SLC46A2: variants seen among roughly 807,000 people sequenced by gnomAD.
SLC46A2 encodes the protein solute carrier family 46 member 2.
SLC46A2 carries 25 observed loss-of-function variants against 33.1 expected under a neutral mutation model. That is an observed-to-expected ratio of 0.76 (90% CI 0.55 to 1.06). The LOEUF is 1.06. Ranked by LOEUF, SLC46A2 falls within the 50% of genes least tolerant of loss-of-function variation. The pLI is 0.00. For synonymous variants in SLC46A2, 254 were observed against 275.9 expected, an observed-to-expected ratio of 0.92 and a Z score of 0.79; for missense variants, 622 against 621.7, an observed-to-expected ratio of 1.00 and a Z score of 0.00.
intron 3 of SLC46A2, chr9:112,880,499 C>A: frequency 6.5e-6 from 1 of 154,356 alleles, no homozygotes; most frequent in Middle Eastern, 5.6e-4. Flanking sequence ...TCTCCCTGTC[C>A]CATGATTTCA....
At chr9:112,888,987 T>G (rs748042993) in intron 1 of SLC46A2, among the ~76,000 whole-genome samples, 3 of 151,642 alleles carry the variant, frequency 2.0e-5, no homozygotes, top group Non-Finnish European at 4.4e-5. Context: ...GCCTCTTGGG[T>G]TCAAGTGATT....
intron 3 of SLC46A2, chr9:112,881,477 A>G (rs771564132): frequency 6.6e-6 from 1 of 152,396 alleles, no homozygotes; most frequent in Non-Finnish European, 1.5e-5. Flanking sequence ...ACAGGGCCAC[A>G]TGATCCTTGA....
rs750007767 is a variant in SLC46A2, at chr9:112,879,728, G to T, written c.*34C>A. 2 of 1,598,256 alleles carry T rather than the reference G, an allele frequency of 1.3e-6. No homozygotes were observed. The highest frequency in any genetic ancestry group is 1.7e-6 in the Non-Finnish European group (2 of 1,166,180). On this transcript the variant is annotated 3_prime_UTR_variant, in exon 4 of 4. Transcript: ENST00000374228. The stretch of plus-strand genomic sequence containing the variant: ...TTTTGTCTTCTGGGGGCCTGGCCAT[G>T]GCTGATGTTTTCAGTTCCTGCAGGT...
chr9:112,889,542 G>T lies in SLC46A2; in HGVS notation c.1129+11C>A. ...AGCAATGTCCTGCCTCCTCAAGAAT[G>T]ACAGACTCACCAATATAGAACATGT... On this transcript the variant is annotated intron_variant, in intron 1 of 3. Transcript: ENST00000374228. The T allele has an allele frequency of 1.3e-6, 2 of 1,593,672 alleles. No homozygotes were observed. Among genetic ancestry groups the T allele is most frequent in the South Asian group, 2.3e-5 (2 of 87,812 alleles).
intron 3 of SLC46A2, chr9:112,885,294 T>G (rs776933299): frequency 2.6e-5 from 4 of 152,118 alleles, no homozygotes; most frequent in Admixed American, 6.6e-5. Context: ...GAACAAGCCT[T>G]CCTTTATTTT....
rs1352373659 is a variant in SLC46A2, at chr9:112,879,644, C to T, written c.*118G>A. ...CAGGTCATTCTGAGGCCAACTCTGG[C>T]TGGAACGCAGGTTTCTTAAGCAGTG... On this transcript the variant is annotated 3_prime_UTR_variant, in exon 4 of 4. Coordinates refer to ENST00000374228, the MANE Select transcript of SLC46A2 (RefSeq NM_033051.4). The T allele has an allele frequency of 1.1e-6, 1 of 911,970 alleles. No homozygotes were observed. The highest frequency in any genetic ancestry group is 1.7e-6 in the Non-Finnish European group (1 of 585,250). 56.5% of individuals were successfully genotyped at this position (911,970 alleles called of 1,614,324 possible). A position where few individuals can be genotyped will look rare whatever the true frequency, so the allele number is the denominator to read the frequency against.
chr9:112,888,003 C>T (rs1352914802), intron 1 of SLC46A2, among the ~76,000 whole-genome samples: 7 of 151,762 alleles, frequency 4.6e-5, no homozygotes, highest in African/African-American at 7.3e-5. Context: ...GACAGCCAGG[C>T]GTGGCGGCTC....
intron 1 of SLC46A2, among the ~76,000 whole-genome samples, chr9:112,887,815 G>A (rs1417765031): frequency 6.6e-6 from 1 of 152,190 alleles, no homozygotes; most frequent in Non-Finnish European, 1.5e-5. Context: ...ATAGTCCCGG[G>A]AGCTTTGGCA....
In SLC46A2 at chr9:112,879,829, T is replaced by C; in HGVS notation, c.1371-10A>G. 1 of 1,611,748 alleles carries C rather than the reference T, an allele frequency of 6.2e-7. No individual in the cohort carries two copies. The highest frequency in any genetic ancestry group is 1.1e-5 in the South Asian group (1 of 90,928). The stretch of plus-strand genomic sequence containing the variant: ...TTTATAGGCCACGATGCTGTAAGAA[T>C]TGACCATAGAGAGTTACAAGAGAAC... On this transcript the variant is annotated splice_polypyrimidine_tract_variant and intron_variant, in intron 3 of 3. Coordinates refer to ENST00000374228, the MANE Select transcript of SLC46A2 (RefSeq NM_033051.4).
chr9:112,890,208 C>A lies in SLC46A2; in HGVS notation c.474G>T (p.Ala158=). Residue 158 remains alanine (A), a synonymous_variant, in exon 1 of 4, where the codon GCG becomes GCT. Coordinates refer to ENST00000374228, the MANE Select transcript of SLC46A2 (RefSeq NM_033051.4). This position sits in a 1 kb window ranked among gnomAD's most constrained non-coding sequence, Gnocchi z 6.0. ...GFSAFWSGVM[A]LGSLGSSEGR... is the part of the protein sequence containing the mutation. The stretch of plus-strand genomic sequence containing the variant: ...CCTCGGAGGAGCCCAGCGATCCCAG[C>A]GCCATGACCCCGGACCAGAAGGCGG... 6.2e-7 allele frequency: 1 copy of A among 1,613,032 alleles called. No individual in the cohort carries two copies. Among genetic ancestry groups the A allele is most frequent in the Non-Finnish European group, 8.5e-7 (1 of 1,179,892 alleles).
At chr9:112,887,942 T>TGA (rs1482836545) in intron 1 of SLC46A2, among the ~76,000 whole-genome samples, 16 of 144,088 alleles carry the variant, frequency 1.1e-4, no homozygotes, top group East Asian at 8.4e-4. Flanking sequence ...TGTGTGTGTG[T>TGA]GTGTGAGAGA....
At chr9:112,886,329 G>T (rs920997090) in intron 3 of SLC46A2, 131 bp downstream of exon 3, 8 of 911,114 alleles carry the variant, frequency 8.8e-6, no homozygotes, top group Non-Finnish European at 1.0e-5. Flanking sequence ...TTGTGAGAGA[G>T]CCTACTCAGG....
At chr9:112,887,482 GC>G in intron 1 of SLC46A2, 69 bp from the exon 2 acceptor site, 1 of 1,406,232 alleles carries the variant, frequency 7.1e-7, no homozygotes, top group South Asian at 1.4e-5. Flanking sequence ...ATTATCAAAA[GC>G]CTCTCTTAGA....
chr9:112,886,375 T>C, intron 3 of SLC46A2, 85 bp downstream of exon 3: 2 of 1,431,534 alleles, frequency 1.4e-6, no homozygotes, highest in Non-Finnish European at 2.0e-6. Flanking sequence ...AATAATGCAG[T>C]GATGGTGGGC....
Position 112,889,958 on chromosome 9 carries a change from C to T in SLC46A2, c.724G>A (p.Ala242Thr). ...ACCGTGCCAGACACGGTATCCACGGCGGGGAGCTCCTGGCTGGGTTTGGCC... is the reference window on the plus strand; with the variant it reads ...ACCGTGCCAGACACGGTATCCACGGTGGGGAGCTCCTGGCTGGGTTTGGCC... ...SVAKPSQELP[A>T]VDTVSGTVGT... Residue 242 changes from alanine to threonine, a missense_variant, in exon 1 of 4, where the codon GCC (alanine) becomes ACC (threonine). Physicochemically the swap from Ala to Thr is moderately conservative, Grantham distance 58. Coordinates refer to ENST00000374228, the MANE Select transcript of SLC46A2 (RefSeq NM_033051.4). 2 of 1,614,126 alleles carry T rather than the reference C, an allele frequency of 1.2e-6. No homozygotes were observed. Among genetic ancestry groups the T allele is most frequent in the Non-Finnish European group, 1.7e-6 (2 of 1,179,980 alleles).
chr9:112,890,280 C>G lies in SLC46A2; in HGVS notation c.402G>C (p.Glu134Asp). The change falls in exon 1 of 4, where the codon GAG (glutamate) becomes GAC (aspartate). Residue 134 changes from glutamate to aspartate, a missense_variant. Physicochemically the swap from Glu to Asp is conservative, Grantham distance 45. Coordinates refer to ENST00000374228, the MANE Select transcript of SLC46A2 (RefSeq NM_033051.4). The surrounding 1 kb of genome is among the most constrained non-coding windows in gnomAD (Gnocchi z 6.0). ...TCAGCGCCGCCGCCCCGTACAGCAC[C>G]TCCACTGGCCAGTCCAGCAGCACCT... is the stretch of plus-strand genomic sequence containing the variant. ...LLKVLLDWPV[E>D]VLYGAAALNG... 6.2e-7 allele frequency: 1 copy of G among 1,613,608 alleles called. No individual in the cohort carries two copies. The highest frequency in any genetic ancestry group is 8.5e-7 in the Non-Finnish European group (1 of 1,179,912).
At position 112,886,576 on chromosome 9, in the gene SLC46A2, G is replaced by T. The variant is rs200400658; in HGVS notation, c.1254C>A (p.Thr418=). 3 of 1,613,958 alleles carry T rather than the reference G, an allele frequency of 1.9e-6. No individual in the cohort carries two copies. The highest frequency in any genetic ancestry group is 2.7e-5 in the African/African-American group (2 of 74,920). ...TGTACAAGGTGGATGTCACCACGCC[G>T]GTCAGAGCCAAGGACAGCTGCAGTA... ...FVILQLSLAL[T]GVVTSTLYNK... Residue 418 remains threonine, a synonymous_variant, in exon 3 of 4, where the codon ACC becomes ACA. Coordinates refer to ENST00000374228, the MANE Select transcript of SLC46A2 (RefSeq NM_033051.4).
intron 3 of SLC46A2, among the ~76,000 whole-genome samples, chr9:112,881,906 A>G (rs181731692): frequency 6.6e-6 from 1 of 152,234 alleles, no homozygotes; most frequent in Admixed American, 6.5e-5. Context: ...CTTTGAGAAA[A>G]TGGTGTTTCA....
In SLC46A2 at chr9:112,889,652, A is replaced by T. The variant is rs772953331; in HGVS notation, c.1030T>A (p.Cys344Ser). Residue 344 changes from cysteine (C) to serine (S), a missense_variant, in exon 1 of 4, where the codon TGC (cysteine) becomes AGC (serine). Coordinates refer to ENST00000374228, the MANE Select transcript of SLC46A2 (RefSeq NM_033051.4). Reference protein sequence around the residue: ...SFLGVLVFSRCFRDTTMIMIG... With the variant: ...SFLGVLVFSRSFRDTTMIMIG... The stretch of plus-strand genomic sequence containing the variant: ...ATGATCATGGTGGTGTCCCGAAAGC[A>T]GCGGGAGAAGACCAGGACACCCAGG... 2.0e-5 allele frequency: 32 copies of T among 1,614,172 alleles called. No homozygotes were observed. The South Asian group carries it at 3.5e-4, about 18-fold the overall frequency.
Sources: gnomAD v4.1 joint callset for allele counts (sites outside exome capture counted in the v4.1 genomes callset) on GRCh38, gnomAD v4.1.1 for gene constraint, Gnocchi (gnomAD v3.1) non-coding constraint, MANE v1.5 for transcripts, NCBI Gene and HGNC (gene_info 2026-07-23, HGNC 2026-07-21) for gene names.